Variants in CNTLN observed in about 807,000 individuals in gnomAD.
CNTLN encodes the protein centlein, centrosomal protein.
Under a neutral mutation model 180.0 loss-of-function variants are expected in CNTLN, and 212 were observed. The ratio of observed to expected loss-of-function variants is 1.18; its 90% confidence interval spans 1.05 to 1.32. CNTLN has a LOEUF of 1.32. CNTLN is among the 40% of genes most tolerant of loss of function. The probability of loss-of-function intolerance (pLI) is 0.00; values close to 1 mark genes in which losing one functional copy is unlikely to be tolerated. For missense variants in CNTLN, 2,095 were observed against 1,610.9 expected (o/e 1.30, Z -5.14); for synonymous variants, 722 against 563.1 (o/e 1.28, Z -3.99).
In CNTLN at chr9:17,463,026, T is replaced by C; in HGVS notation, c.3404+13T>C. The C allele has an allele frequency of 1.3e-6, 2 of 1,518,660 alleles. No homozygotes were observed. Among genetic ancestry groups the C allele is most frequent in the Non-Finnish European group, 1.8e-6 (2 of 1,112,756 alleles). The allele number at this position is 1,518,660 out of a possible 1,614,324, so 94.1% of individuals were successfully genotyped here. ...AAATGCATGAAAAGTATGGTTTTTG[T>C]ATTTCTATCCATTGTATTTGGTGCC... On this transcript the variant is annotated intron_variant, in intron 20 of 25. Transcript: ENST00000380647.
intron 6 of CNTLN, among the ~76,000 whole-genome samples, chr9:17,284,327 G>A (rs201100854): frequency 2.0e-5 from 3 of 152,104 alleles, no homozygotes; most frequent in Non-Finnish European, 2.9e-5. Flanking sequence ...GAATAGTTTC[G>A]GAAGGAATGG....
chr9:17,288,187 C>T lies in CNTLN; in HGVS notation c.984-10003C>T, dbSNP rs986129119. 4.4e-4 allele frequency among the ~76,000 whole-genome samples: 54 copies of T among 122,356 alleles called. 2 individuals carry two copies. The highest frequency in any genetic ancestry group is 7.6e-4 in the Non-Finnish European group (47 of 61,840). The allele number at this position is 122,356 out of a possible 152,430, so 80.3% of individuals were successfully genotyped here. ...TCTACACACTGCTTTGAATGCATCC[C>T]AGAGATTCTGGTATGTTGTGTCTTT... On this transcript the variant is annotated intron_variant, in intron 6 of 25. Coordinates refer to ENST00000380647, the MANE Select transcript of CNTLN (RefSeq NM_017738.4).
At position 17,135,288 on chromosome 9, in the gene CNTLN, G is replaced by A. The variant is rs201021582; in HGVS notation, c.223G>A (p.Ala75Thr). Residue 75 changes from alanine to threonine, a missense_variant, in exon 1 of 26, where the codon GCT becomes ACT. Physicochemically the swap from Ala to Thr is moderately conservative, Grantham distance 58. Transcript: ENST00000380647. ...GCGAGGGCCTGGGGGGGCAGCTCCG[G>A]CTCATGCTCCCCTCCTCAGCGCGCC... ...GRRGPGGAAP[A>T]HAPLLSAPMG... 549 of 1,600,682 alleles carry A rather than the reference G, an allele frequency of 3.4e-4. No individual in the cohort carries two copies. Among genetic ancestry groups the A allele is most frequent in the Non-Finnish European group, 4.1e-4 (486 of 1,174,530 alleles).
At chr9:17,213,027 C>A (rs140632178) in intron 2 of CNTLN, among the ~76,000 whole-genome samples, 2,108 of 152,048 alleles carry the variant, frequency 0.014, 21 homozygotes, top group Non-Finnish European at 0.022. Flanking sequence ...ATTGATTTTT[C>A]TGAAGTGTTT....
chr9:17,239,526 A>G (rs904611490), intron 5 of CNTLN, among the ~76,000 whole-genome samples: 3 of 152,168 alleles, frequency 2.0e-5, no homozygotes, highest in African/African-American at 7.2e-5. Flanking sequence ...TTGATGTCAT[A>G]TCTAAGAAAC....
At chr9:17,185,995 T>C (rs1821415490) in intron 2 of CNTLN, among the ~76,000 whole-genome samples, 1 of 152,108 alleles carries the variant, frequency 6.6e-6, no homozygotes, top group Non-Finnish European at 1.5e-5. Flanking sequence ...TCTCACTGTG[T>C]TGCTCAGGTT....
chr9:17,297,593 G>C (rs919447862), intron 6 of CNTLN, among the ~76,000 whole-genome samples: 12 of 151,950 alleles, frequency 7.9e-5, no homozygotes, highest in Non-Finnish European at 1.5e-4. Context: ...TTTCATCCTG[G>C]GTAGGTTCGA....
chr9:17,385,706 T>C (rs966417998), intron 13 of CNTLN, among the ~76,000 whole-genome samples: 1 of 152,228 alleles, frequency 6.6e-6, no homozygotes, highest in Non-Finnish European at 1.5e-5. Flanking sequence ...AGACTTTTTA[T>C]CTTGTTATTC....
chr9:17,376,673 G>C (rs372962387), intron 13 of CNTLN, among the ~76,000 whole-genome samples: 13 of 151,982 alleles, frequency 8.6e-5, no homozygotes, highest in African/African-American at 3.1e-4. Context: ...GAATGGTCTC[G>C]ATCTCCTGAC....
chr9:17,137,798 A>G (rs1237208004), intron 1 of CNTLN, among the ~76,000 whole-genome samples: 1 of 152,218 alleles, frequency 6.6e-6, no homozygotes, highest in Non-Finnish European at 1.5e-5. Flanking sequence ...ATACCATTCT[A>G]CATCATTGGA....
intron 5 of CNTLN, among the ~76,000 whole-genome samples, chr9:17,249,635 T>G (rs571647302): frequency 5.9e-4 from 89 of 152,084 alleles, no homozygotes; most frequent in Middle Eastern, 3.4e-3. Flanking sequence ...AGGCACGAGC[T>G]GCTGCATCCA....
Position 17,406,973 on chromosome 9 carries a change from A to G in CNTLN, c.2616-2320A>G, listed in dbSNP as rs1044647781. Among the ~76,000 whole-genome samples the G allele has an allele frequency of 2.7e-5, 4 of 148,564 alleles. 1 individual carries two copies. Among genetic ancestry groups the G allele is most frequent in the African/African-American group, 1.0e-4 (4 of 38,670 alleles). ...CACTTTTCATACCACTTTGGCCATT[A>G]CATATTGAATTTCTGCTAAGTTTTG... On this transcript the variant is annotated intron_variant, in intron 15 of 25. Transcript: ENST00000380647.
chr9:17,329,889 T>C (rs1365142800), intron 8 of CNTLN, among the ~76,000 whole-genome samples: 1 of 151,852 alleles, frequency 6.6e-6, no homozygotes, highest in Non-Finnish European at 1.5e-5. Context: ...ACTGTTTTCA[T>C]GTGATTCTGT....
Position 17,298,894 on chromosome 9 carries a change from G to A in CNTLN, c.1146+542G>A. 11 of 985,262 alleles carry A rather than the reference G, an allele frequency of 1.1e-5. No homozygotes were observed. In the South Asian group the frequency reaches 4.7e-4, roughly 42 times the overall value. 61.0% of individuals were successfully genotyped at this position (985,262 alleles called of 1,614,324 possible). ...GAGCCTTTCAAGAAGGTTTACCCAA[G>A]TATTTAGGTGTGCTAACTGACTCAG... On this transcript the variant is annotated intron_variant, in intron 7 of 25. Coordinates refer to ENST00000380647, the MANE Select transcript of CNTLN (RefSeq NM_017738.4).
At chr9:17,160,322 A>G (rs1235644536) in intron 2 of CNTLN, among the ~76,000 whole-genome samples, 2 of 152,068 alleles carry the variant, frequency 1.3e-5, no homozygotes, top group African/African-American at 4.8e-5. Flanking sequence ...TGTCTAATTC[A>G]TGTCCTATGG....
intron 21 of CNTLN, 93 bp from the exon 22 acceptor site, chr9:17,465,888 A>G: frequency 1.2e-6 from 1 of 826,802 alleles, no homozygotes; most frequent in Non-Finnish European, 1.9e-6. Flanking sequence ...ATGGAAGTAG[A>G]CTCATTCACT....
intron 10 of CNTLN, among the ~76,000 whole-genome samples, chr9:17,339,746 A>T (rs1205195882): frequency 6.6e-6 from 1 of 152,202 alleles, no homozygotes; most frequent in Admixed American, 6.5e-5. Flanking sequence ...TACTTTGAGA[A>T]ACACAGTTTA....
intron 3 of CNTLN, among the ~76,000 whole-genome samples, chr9:17,227,268 C>T (rs1587246687): frequency 6.6e-6 from 1 of 151,944 alleles, no homozygotes; most frequent in African/African-American, 2.4e-5. Context: ...ATATCAAGTA[C>T]AGTCCTATCT....
intron 2 of CNTLN, among the ~76,000 whole-genome samples, chr9:17,216,193 C>G (rs1433658801): frequency 6.6e-6 from 1 of 152,164 alleles, no homozygotes; most frequent in Non-Finnish European, 1.5e-5. Flanking sequence ...CAACTTGGAA[C>G]TGTCCCCCAG....
Sources: gnomAD v4.1 joint callset for allele counts (sites outside exome capture counted in the v4.1 genomes callset) on GRCh38, gnomAD v4.1.1 for gene constraint, MANE v1.5 for transcripts, NCBI Gene and HGNC (gene_info 2026-07-23, HGNC 2026-07-21) for gene names.